The following VCX variants were observed in gnomAD, a reference collection of about 807,000 sequenced individuals.
The protein encoded by VCX is variable charge X-linked.
For synonymous variants in VCX, 17 were observed against 79.4 expected, an observed-to-expected ratio of 0.21 and a Z score of 4.18; for missense variants, 45 against 171.8, an observed-to-expected ratio of 0.26 and a Z score of 4.13.
At chrX:7,842,724 A>T (rs1169456918), upstream of VCX, 1 of 194,587 alleles carries the variant, frequency 5.1e-6, no homozygotes, top group African/African-American at 3.1e-5. Flanking sequence ...TATCCCAGTT[A>T]GCATGGAGGG....
chrX:7,843,025 T>G (rs368753552), upstream of VCX: 24,533 of 235,987 alleles, frequency 0.1, 1,046 homozygotes, highest in Admixed American at 0.25. Flanking sequence ...CTGATGGTGC[T>G]TTGTGACGTA....
rs757335968 is a variant in VCX, at chrX:7,843,734, A to C, written c.339A>C (p.Pro113=). 9.1e-7 allele frequency: 1 copy of C among 1,102,198 alleles called. No homozygotes were observed. The highest frequency in any genetic ancestry group is 1.2e-6 in the Non-Finnish European group (1 of 829,239). The allele number at this position is 1,102,198 out of a possible 1,213,427, so 90.8% of individuals were successfully genotyped here. The change falls in exon 2 of 2, where the codon CCA becomes CCC. Residue 113 remains proline (P), a synonymous_variant. Coordinates refer to ENST00000688183, the MANE Select transcript of VCX (RefSeq NM_001393662.1). ...GTCAGGAGGCCGAGCTGGAGGAACC[A>C]CTGAGTCAGGAGAGCGAGGTGGAAG... is the stretch of plus-strand genomic sequence containing the variant. ...PLSQEAELEE[P]LSQESEVEEP...
Position 7,843,668 on chromosome X carries a change from G to A in VCX, c.273G>A (p.Pro91=), listed in dbSNP as rs139507263. The A allele has an allele frequency of 7.7e-5, 86 of 1,119,369 alleles. 1 individual carries two copies. Among genetic ancestry groups the A allele is most frequent in the African/African-American group, 7.0e-4 (32 of 45,411 alleles). 92.2% of individuals were successfully genotyped at this position (1,119,369 alleles called of 1,213,427 possible). A position where few individuals can be genotyped will look rare whatever the true frequency, so the allele number is the denominator to read the frequency against. The change falls in exon 2 of 2, where the codon CCG becomes CCA. Residue 91 remains proline (P), a synonymous_variant. Coordinates refer to ENST00000688183, the MANE Select transcript of VCX (RefSeq NM_001393662.1). ...AGCTCCCTCAGCACGAGCTGCCGCC[G>A]GAGGAGCCAGTGAGCGAGGGGACCC... is the stretch of plus-strand genomic sequence containing the variant. ...SQELPQHELP[P]EEPVSEGTQH...
At chrX:7,842,986 C>CT, upstream of VCX, 1 of 48,786 alleles carries the variant, frequency 2.0e-5, no homozygotes, top group Non-Finnish European at 3.9e-5. Flanking sequence ...GTCACCCCCC[C>CT]CCCCGCCCCC....
Position 7,844,100 on chromosome X carries a change from G to C in VCX, c.*84G>C. 1 of 1,090,748 alleles carries C rather than the reference G, an allele frequency of 9.2e-7. No individual in the cohort carries two copies. Among genetic ancestry groups the C allele is most frequent in the East Asian group, 3.2e-5 (1 of 30,948 alleles). The allele number at this position is 1,090,748 out of a possible 1,213,427, so 89.9% of individuals were successfully genotyped here. ...ACCTCAGAGATCTCACCAGCGGGGTGCTTGCCATTCTGAAGATAATAAAAT... is the reference window on the plus strand; with the variant it reads ...ACCTCAGAGATCTCACCAGCGGGGTCCTTGCCATTCTGAAGATAATAAAAT... On this transcript the variant is annotated 3_prime_UTR_variant, in exon 2 of 2. Transcript: ENST00000688183.
Position 7,843,956 on chromosome X carries a change from G to C in VCX, c.561G>C (p.Glu187Asp), listed in dbSNP as rs1555908485. ...ESEMEEPLSQ[E>D]SQVEEPPSQE... is the part of the protein sequence containing the mutation. Reference sequence around the variant, plus strand: ...AGATGGAAGAACCACTGAGTCAGGAGAGCCAGGTGGAGGAACCACCGAGTC... The same window carrying C: ...AGATGGAAGAACCACTGAGTCAGGACAGCCAGGTGGAGGAACCACCGAGTC... The change falls in exon 2 of 2, where the codon GAG (glutamate) becomes GAC (aspartate). Residue 187 changes from glutamate to aspartate, a missense_variant. Coordinates refer to ENST00000688183, the MANE Select transcript of VCX (RefSeq NM_001393662.1). 3 of 788,547 alleles carry C rather than the reference G, an allele frequency of 3.8e-6. No individual in the cohort carries two copies. Among genetic ancestry groups the C allele is most frequent in the Non-Finnish European group, 5.3e-6 (3 of 568,054 alleles). The allele number at this position is 788,547 out of a possible 1,213,427, so 65.0% of individuals were successfully genotyped here.
chrX:7,843,055 CA>C (rs1479965849), upstream of VCX: 20 of 703,104 alleles, frequency 2.8e-5, 1 homozygote, highest in African/African-American at 6.0e-4. Flanking sequence ...CCTTCCCGCC[CA>C]GGGCGACCAT....
upstream of VCX, chrX:7,842,977 T>TCCCC (rs1399433685): frequency 1.9e-5 from 1 of 53,615 alleles, no homozygotes; most frequent in Non-Finnish European, 3.3e-5. Context: ...TCATTAGATG[T>TCCCC]CACCCCCCCC....
chrX:7,843,746 G>A lies in VCX; in HGVS notation c.351G>A (p.Glu117=). The A allele has an allele frequency of 9.0e-7, 1 of 1,110,932 alleles. No individual in the cohort carries two copies. The highest frequency in any genetic ancestry group is 1.2e-6 in the Non-Finnish European group (1 of 833,507). The allele number at this position is 1,110,932 out of a possible 1,213,427, so 91.6% of individuals were successfully genotyped here. The change falls in exon 2 of 2, where the codon GAG becomes GAA. Residue 117 remains glutamate (E), a synonymous_variant. Coordinates refer to ENST00000688183, the MANE Select transcript of VCX (RefSeq NM_001393662.1). ...AGCTGGAGGAACCACTGAGTCAGGA[G>A]AGCGAGGTGGAAGAACCACTGAGTC... ...EAELEEPLSQ[E]SEVEEPLSQE...
Position 7,843,735 on chromosome X carries a change from C to G in VCX, c.340C>G (p.Leu114Val). The G allele has an allele frequency of 9.0e-7, 1 of 1,106,378 alleles. No individual in the cohort carries two copies. The highest frequency in any genetic ancestry group is 1.2e-6 in the Non-Finnish European group (1 of 830,959). The allele number at this position is 1,106,378 out of a possible 1,213,427, so 91.2% of individuals were successfully genotyped here. A position where few individuals can be genotyped will look rare whatever the true frequency, so the allele number is the denominator to read the frequency against. Residue 114 changes from leucine to valine, a missense_variant, in exon 2 of 2, where the codon CTG (leucine) becomes GTG (valine). By Grantham distance (32) the Leu-to-Val change is conservative. Coordinates refer to ENST00000688183, the MANE Select transcript of VCX (RefSeq NM_001393662.1). ...TCAGGAGGCCGAGCTGGAGGAACCACTGAGTCAGGAGAGCGAGGTGGAAGA... is the reference window on the plus strand; with the variant it reads ...TCAGGAGGCCGAGCTGGAGGAACCAGTGAGTCAGGAGAGCGAGGTGGAAGA... Reference protein sequence around the residue: ...LSQEAELEEPLSQESEVEEPL... With the variant: ...LSQEAELEEPVSQESEVEEPL...
Position 7,843,710 on chromosome X carries a change from T to C in VCX, c.315T>C (p.Ser105=), listed in dbSNP as rs1356503173. ...AGGGGACCCAGCACGACCCCCTGAG[T>C]CAGGAGGCCGAGCTGGAGGAACCAC... ...VSEGTQHDPL[S]QEAELEEPLS... Residue 105 remains serine (S), a synonymous_variant, in exon 2 of 2, where the codon AGT becomes AGC. Coordinates refer to ENST00000688183, the MANE Select transcript of VCX (RefSeq NM_001393662.1). The C allele has an allele frequency of 1.8e-6, 2 of 1,108,213 alleles. No homozygotes were observed. The highest frequency in any genetic ancestry group is 2.4e-6 in the Non-Finnish European group (2 of 832,154). The allele number at this position is 1,108,213 out of a possible 1,213,427, so 91.3% of individuals were successfully genotyped here.
chrX:7,842,695 C>G (rs1424411331), upstream of VCX: 1 of 166,639 alleles, frequency 6.0e-6, no homozygotes, highest in Non-Finnish European at 1.1e-5. Flanking sequence ...CAACTGACGT[C>G]TTCATATAGC....
chrX:7,844,050 G>A lies in VCX; in HGVS notation c.*34G>A, dbSNP rs367899570. The A allele has an allele frequency of 2.8e-5, 32 of 1,137,577 alleles. No individual in the cohort carries two copies. The highest frequency in any genetic ancestry group is 1.1e-4 in the African/African-American group (5 of 47,073). 93.7% of individuals were successfully genotyped at this position (1,137,577 alleles called of 1,213,427 possible). On this transcript the variant is annotated 3_prime_UTR_variant, in exon 2 of 2. Transcript: ENST00000688183. ...GTACTCCCCTATCTCCGAGAGCAGC[G>A]ACTAAGTTCAGGCCCAGCCGCCAGA...
upstream of VCX, chrX:7,843,033 G>A (rs1185028028): frequency 4.7e-5 from 20 of 421,606 alleles, no homozygotes; most frequent in South Asian, 4.6e-4. Flanking sequence ...GCTTTGTGAC[G>A]TATAAGGCCT....
chrX:7,843,930 G>C lies in VCX; in HGVS notation c.535G>C (p.Glu179Gln), dbSNP rs768691820. The change falls in exon 2 of 2, where the codon GAG becomes CAG. Residue 179 changes from glutamate to glutamine, a missense_variant. Physicochemically the swap from Glu to Gln is conservative, Grantham distance 29. Coordinates refer to ENST00000688183, the MANE Select transcript of VCX (RefSeq NM_001393662.1). Reference sequence around the variant, plus strand: ...GGAGGAACCACTGAGTCAGGAGAGCGAGATGGAAGAACCACTGAGTCAGGA... The same window carrying C: ...GGAGGAACCACTGAGTCAGGAGAGCCAGATGGAAGAACCACTGAGTCAGGA... ...QVEEPLSQES[E>Q]MEEPLSQESQ... 4.7e-5 allele frequency: 51 copies of C among 1,086,307 alleles called. No homozygotes were observed. Among genetic ancestry groups the C allele is most frequent in the East Asian group, 6.7e-5 (2 of 30,052 alleles). The allele number at this position is 1,086,307 out of a possible 1,213,427, so 89.5% of individuals were successfully genotyped here.
rs1484644979 is a variant in VCX at position 7,843,662 on chromosome X, G to A, written c.267G>A (p.Leu89=). The change falls in exon 2 of 2, where the codon CTG becomes CTA. Residue 89 remains leucine, a synonymous_variant. Coordinates refer to ENST00000688183, the MANE Select transcript of VCX (RefSeq NM_001393662.1). ...GCCAGGAGCTCCCTCAGCACGAGCTGCCGCCGGAGGAGCCAGTGAGCGAGG... is the reference window on the plus strand; with the variant it reads ...GCCAGGAGCTCCCTCAGCACGAGCTACCGCCGGAGGAGCCAGTGAGCGAGG... ...QPSQELPQHE[L]PPEEPVSEGT... is the part of the protein sequence containing the mutation. The A allele has an allele frequency of 2.7e-6, 3 of 1,124,300 alleles. 1 individual carries two copies. Among genetic ancestry groups the A allele is most frequent in the Non-Finnish European group, 3.6e-6 (3 of 840,844 alleles). 92.7% of individuals were successfully genotyped at this position (1,124,300 alleles called of 1,213,427 possible).
At position 7,843,672 on chromosome X, in the gene VCX, G is replaced by A. The variant is rs145123759; in HGVS notation, c.277G>A (p.Glu93Lys). 1,276 of 1,112,480 alleles carry A rather than the reference G, an allele frequency of 1.1e-3. 38 individuals carry two copies. The highest frequency in any genetic ancestry group is 1.4e-3 in the Non-Finnish European group (1,138 of 832,440). 91.7% of individuals were successfully genotyped at this position (1,112,480 alleles called of 1,213,427 possible). The change falls in exon 2 of 2, where the codon GAG becomes AAG. Residue 93 changes from glutamate to lysine, a missense_variant. Transcript: ENST00000688183. ...ELPQHELPPE[E>K]PVSEGTQHDP... Reference sequence around the variant, plus strand: ...CCCTCAGCACGAGCTGCCGCCGGAGGAGCCAGTGAGCGAGGGGACCCAGCA... The same window carrying A: ...CCCTCAGCACGAGCTGCCGCCGGAGAAGCCAGTGAGCGAGGGGACCCAGCA...
At chrX:7,842,829 G>A (rs1473703928), upstream of VCX, 17 of 278,252 alleles carry the variant, frequency 6.1e-5, no homozygotes, top group South Asian at 6.7e-4. Flanking sequence ...AACATGTGGC[G>A]GAAATATCCT....
chrX:7,842,452 T>A (rs768891945), upstream of VCX: 4 of 104,868 alleles, frequency 3.8e-5, no homozygotes, highest in African/African-American at 1.4e-4. Context: ...AATGGCGCTA[T>A]ATTGGCTCAC....
Sources: gnomAD v4.1 joint callset for allele counts on GRCh38, gnomAD v4.1.1 for gene constraint, MANE v1.5 for transcripts, NCBI Gene and HGNC (gene_info 2026-07-23, HGNC 2026-07-21) for gene names.